MAP2: variants seen among roughly 807,000 people sequenced by gnomAD.
MAP2 encodes microtubule-associated protein 2.
In MAP2, 14 loss-of-function variants were observed where a neutral mutation model predicts 137.6. That is an observed-to-expected ratio of 0.10 (90% CI 0.07 to 0.16). MAP2 has a LOEUF of 0.16. Ranked by LOEUF, MAP2 falls within the 10% of genes least tolerant of loss-of-function variation. The probability of loss-of-function intolerance (pLI) is 1.00; values close to 1 mark genes in which losing one functional copy is unlikely to be tolerated. For missense variants in MAP2, 2,088 were observed against 2,191.5 expected (o/e 0.95, Z 0.94); for synonymous variants, 786 against 782.3 (o/e 1.00, Z -0.08).
At chr2:209,550,629 T>TA in intron 2 of MAP2, among the ~76,000 whole-genome samples, 1 of 152,260 alleles carries the variant, frequency 6.6e-6, no homozygotes, top group Middle Eastern at 3.4e-3. Flanking sequence ...GCTGAATGTG[T>TA]AAAAAATGTT....
intron 2 of MAP2, among the ~76,000 whole-genome samples, chr2:209,542,791 C>G (rs1055085294): frequency 2.6e-5 from 4 of 152,180 alleles, no homozygotes; most frequent in African/African-American, 9.7e-5. Context: ...TTGAAAAGAG[C>G]TAGGGCCTTT....
intron 1 of MAP2, among the ~76,000 whole-genome samples, chr2:209,445,755 A>G (rs1177847488): frequency 1.3e-5 from 2 of 151,702 alleles, no homozygotes; most frequent in African/African-American, 4.8e-5. Flanking sequence ...TCTTCCAAGA[A>G]AATTACTCAT....
At chr2:209,513,792 A>G (rs1337305389) in intron 2 of MAP2, among the ~76,000 whole-genome samples, 1 of 151,992 alleles carries the variant, frequency 6.6e-6, no homozygotes, top group Non-Finnish European at 1.5e-5. Flanking sequence ...TATCCCCAAG[A>G]TTCTTCATTA....
intron 2 of MAP2, among the ~76,000 whole-genome samples, chr2:209,548,388 G>A (rs2068499930): frequency 6.6e-6 from 1 of 152,144 alleles, no homozygotes; most frequent in African/African-American, 2.4e-5. Flanking sequence ...TATTTGTCCT[G>A]TTCCTGATAC....
At chr2:209,507,341 TATAAAATAAAA>T (rs1210942728) in intron 1 of MAP2, among the ~76,000 whole-genome samples, 1 of 152,186 alleles carries the variant, frequency 6.6e-6, no homozygotes, top group African/African-American at 2.4e-5. Context: ...TTTAAATAAG[TATAAAATAAAA>T]ATAGGACCTA....
At position 209,479,737 on chromosome 2, in the gene MAP2, C is replaced by T. The variant is rs535349126; in HGVS notation, c.-221-27855C>T. Among the ~76,000 whole-genome samples the T allele has an allele frequency of 3.4e-4, 51 of 152,026 alleles. No individual in the cohort carries two copies. In the South Asian group the frequency reaches 0.011, roughly 32 times the overall value. Reference sequence around the variant, plus strand: ...AACTACATAAAACAATATTTTTAGTCCTGTGTTTATTACCAAAAATAAAAG... The same window carrying T: ...AACTACATAAAACAATATTTTTAGTTCTGTGTTTATTACCAAAAATAAAAG... On this transcript the variant is annotated intron_variant, in intron 1 of 15. Transcript: ENST00000682079.
In MAP2 at chr2:209,632,902, T is replaced by C. The variant is rs2093226226; in HGVS notation, c.-30+7773T>C. Among the ~76,000 whole-genome samples, 3 of 152,136 alleles carry C rather than the reference T, an allele frequency of 2.0e-5. No homozygotes were observed. The South Asian group carries it at 6.2e-4, about 32-fold the overall frequency. On this transcript the variant is annotated intron_variant, in intron 4 of 15. Transcript: ENST00000682079. ...TTGATTAGTTTCCCTCTTCCTGAAA[T>C]TCTTTATAAACTGACTCTCCTCCAT...
chr2:209,700,252 GTTGT>G (rs1395644620), intron 10 of MAP2, 21 bp from the exon 11 acceptor site: 4 of 1,606,894 alleles, frequency 2.5e-6, no homozygotes, highest in African/African-American at 1.3e-5. Flanking sequence ...TAAGTTTGGG[GTTGT>G]TTGTCTTTTA....
chr2:209,658,078 C>T (rs1312336088), intron 5 of MAP2, among the ~76,000 whole-genome samples: 1 of 152,150 alleles, frequency 6.6e-6, no homozygotes, highest in Non-Finnish European at 1.5e-5. Context: ...GAGCCTCATC[C>T]TTAAGTTTCA....
At chr2:209,669,806 C>A (rs1486369626) in intron 5 of MAP2, among the ~76,000 whole-genome samples, 1 of 151,790 alleles carries the variant, frequency 6.6e-6, no homozygotes, top group Non-Finnish European at 1.5e-5. Context: ...CACACACACA[C>A]AAAATTGCTT....
At chr2:209,483,853 ATGG>A (rs1289475219) in intron 1 of MAP2, among the ~76,000 whole-genome samples, 25 of 152,174 alleles carry the variant, frequency 1.6e-4, no homozygotes, top group Admixed American at 1.2e-3. Context: ...GGAAGATTAA[ATGG>A]GACACATGGA....
At chr2:209,722,115 T>C (rs1394476966) in intron 13 of MAP2, 1 of 152,234 alleles carries the variant, frequency 6.6e-6, no homozygotes, top group Non-Finnish European at 1.5e-5. Context: ...ATGTGAAACA[T>C]TTATAGTGCA....
rs1426740344 is a variant in MAP2 at position 209,568,136 on chromosome 2, A to G, written c.-171-11900A>G. 7.9e-5 allele frequency among the ~76,000 whole-genome samples: 12 copies of G among 152,078 alleles called. No homozygotes were observed. The South Asian group carries it at 2.1e-3, about 26-fold the overall frequency. On this transcript the variant is annotated intron_variant, in intron 2 of 15. Coordinates refer to ENST00000682079, the MANE Select transcript of MAP2 (RefSeq NM_001375505.1). ...TAATTAATTCTCTCTTCTCATCTCT[A>G]TTGTAACCTTGGTACAAGGACTAGA... is the stretch of plus-strand genomic sequence containing the variant.
rs56283066 is a variant in MAP2 at position 209,676,720 on chromosome 2, C to CAT, written c.263-1801_263-1800dup. Among the ~76,000 whole-genome samples the CAT allele has an allele frequency of 8.0e-3, 572 of 71,372 alleles. 7 individuals are homozygous for CAT. The highest frequency in any genetic ancestry group is 0.011 in the African/African-American group (132 of 11,830). 46.8% of individuals were successfully genotyped at this position (71,372 alleles called of 152,430 possible). A position where few individuals can be genotyped will look rare whatever the true frequency, so the allele number is the denominator to read the frequency against. Reference sequence around the variant, plus strand: ...GGAATGATCCAGAAGACACAAAGGTCATATATATATATATATATATATATA... The same window carrying CAT: ...GGAATGATCCAGAAGACACAAAGGTCATATATATATATATATATATATATATA... On this transcript the variant is annotated intron_variant, in intron 5 of 15. Transcript: ENST00000682079.
intron 1 of MAP2, among the ~76,000 whole-genome samples, chr2:209,468,655 C>T (rs552342917): frequency 1.3e-5 from 2 of 152,200 alleles, no homozygotes; most frequent in Admixed American, 6.5e-5. Context: ...CAAAGTCTTA[C>T]GTTGAGTTTA....
At chr2:209,620,279 C>A (rs1422939783) in intron 3 of MAP2, among the ~76,000 whole-genome samples, 2 of 152,144 alleles carry the variant, frequency 1.3e-5, no homozygotes, top group Non-Finnish European at 2.9e-5. Context: ...TTAACCCAGC[C>A]CGTTAGTCCT....
At chr2:209,691,931 T>G (rs1480409366) in intron 7 of MAP2, among the ~76,000 whole-genome samples, 1 of 152,218 alleles carries the variant, frequency 6.6e-6, no homozygotes, top group African/African-American at 2.4e-5. Context: ...AGAAACTGGC[T>G]TGTAAATTCT....
At chr2:209,502,314 A>C (rs1451320686) in intron 1 of MAP2, among the ~76,000 whole-genome samples, 1 of 152,176 alleles carries the variant, frequency 6.6e-6, no homozygotes, top group Non-Finnish European at 1.5e-5. Context: ...CAGCTTTTTA[A>C]GATTCCACAT....
At chr2:209,424,862 G>T (rs943327885) in intron 1 of MAP2, among the ~76,000 whole-genome samples, 15 of 152,196 alleles carry the variant, frequency 9.9e-5, no homozygotes, top group African/African-American at 3.6e-4. Context: ...GGGGCACGAA[G>T]AAATGAGTCT....
Sources: gnomAD v4.1 joint callset for allele counts (sites outside exome capture counted in the v4.1 genomes callset) on GRCh38, gnomAD v4.1.1 for gene constraint, MANE v1.5 for transcripts, NCBI Gene and HGNC (gene_info 2026-07-23, HGNC 2026-07-21) for gene names.